The following KIF13B variants were observed in gnomAD, a reference collection of about 807,000 sequenced individuals.
KIF13B encodes the protein kinesin-like protein KIF13B.
KIF13B carries 127 observed loss-of-function variants against 222.0 expected under a neutral mutation model. That is an observed-to-expected ratio of 0.57 (90% CI 0.50 to 0.66). The LOEUF (loss-of-function observed/expected upper bound fraction) is 0.66. KIF13B is among the 30% of genes least tolerant of loss of function. The pLI is 0.00. For missense variants in KIF13B, 2,173 were observed against 2,379.0 expected, an observed-to-expected ratio of 0.91 and a Z score of 1.80; for synonymous variants, 976 against 919.0, an observed-to-expected ratio of 1.06 and a Z score of -1.12.
At chr8:29,262,948 GC>G in intron 1 of KIF13B, 31 bp downstream of exon 1, 1 of 1,528,288 alleles carries the variant, frequency 6.5e-7, no homozygotes, top group Admixed American at 2.0e-5. Flanking sequence ...TGCCGCCTCC[GC>G]CCCGGCGGCC....
At chr8:29,101,285 T>C (rs1448864343) in intron 35 of KIF13B, among the ~76,000 whole-genome samples, 1 of 152,192 alleles carries the variant, frequency 6.6e-6, no homozygotes, top group Non-Finnish European at 1.5e-5. Context: ...ACCTGCTTTG[T>C]GTACAGTGGC....
At chr8:29,175,190 A>C (rs1219300056) in intron 10 of KIF13B, among the ~76,000 whole-genome samples, 1 of 152,180 alleles carries the variant, frequency 6.6e-6, no homozygotes, top group Non-Finnish European at 1.5e-5. Context: ...TTAAATTGTC[A>C]CTGCAACTTA....
chr8:29,109,857 A>C, intron 33 of KIF13B, 61 bp downstream of exon 33: 1 of 1,540,136 alleles, frequency 6.5e-7, no homozygotes, highest in Non-Finnish European at 8.9e-7. Context: ...TACAGAGTCA[A>C]ACACAGACTC....
Position 29,107,782 on chromosome 8 carries a change from G to C in KIF13B, c.4215+357C>G, listed in dbSNP as rs544993456. Among the ~76,000 whole-genome samples, 308 of 152,036 alleles carry C rather than the reference G, an allele frequency of 2.0e-3. 4 individuals carry two copies. The highest frequency in any genetic ancestry group is 3.1e-3 in the Non-Finnish European group (212 of 67,970). On this transcript the variant is annotated intron_variant, in intron 35 of 39. Transcript: ENST00000524189. ...TCACCGTGTTAGCCAGGATGGTCTC[G>C]ATCTCCTGACCTCGTGATCCGCCCT...
chr8:29,202,930 T>C (rs7013733), intron 2 of KIF13B, among the ~76,000 whole-genome samples: 126,244 of 151,798 alleles, frequency 0.83, 53,149 homozygotes, highest in Non-Finnish European at 0.88. Flanking sequence ...AAGGCCCACC[T>C]ACAAGAGAAA....
chr8:29,183,752 G>A (rs1812814448), intron 6 of KIF13B, among the ~76,000 whole-genome samples: 1 of 152,206 alleles, frequency 6.6e-6, no homozygotes, highest in South Asian at 2.1e-4. Context: ...GAAGATTAGA[G>A]AGATTAAGAT....
chr8:29,196,243 T>G, intron 2 of KIF13B, 44 bp from the exon 3 acceptor site: 1 of 1,377,104 alleles, frequency 7.3e-7, no homozygotes, highest in Non-Finnish European at 9.5e-7. Flanking sequence ...GAAAGAAAAG[T>G]TAAAAAAAAA....
chr8:29,204,654 C>T (rs1813849368), intron 2 of KIF13B, among the ~76,000 whole-genome samples: 1 of 152,180 alleles, frequency 6.6e-6, no homozygotes, highest in Non-Finnish European at 1.5e-5. Flanking sequence ...CAGGGTAATA[C>T]ACACTCATTT....
In KIF13B at chr8:29,071,752, C is replaced by T; in HGVS notation, c.5086G>A (p.Glu1696Lys). 9 of 1,549,756 alleles carry T rather than the reference C, an allele frequency of 5.8e-6. No individual in the cohort carries two copies. The highest frequency in any genetic ancestry group is 7.8e-6 in the Non-Finnish European group (9 of 1,146,640). ...ALASDSEEAD[E>K]VPEWLREGEF... The stretch of plus-strand genomic sequence containing the variant: ...CCCTCTCGGAGCCACTCCGGGACCT[C>T]GTCAGCTTCCTCGGAATCAGAGGCC... Residue 1696 changes from glutamate to lysine, a missense_variant, in exon 39 of 40, where the codon GAG becomes AAG. Physicochemically the swap from Glu to Lys is moderately conservative, Grantham distance 56. Around this residue, in one of 2 missense-constraint regions of KIF13B, gnomAD observed 693 missense variants for 656.2 expected, o/e 1.06. Transcript: ENST00000524189. The surrounding 1 kb of genome is among the most constrained non-coding windows in gnomAD (Gnocchi z 4.9).
intron 38 of KIF13B, 116 bp from the exon 39 acceptor site, chr8:29,072,432 C>T: frequency 1.7e-6 from 1 of 588,608 alleles, no homozygotes; most frequent in Non-Finnish European, 2.6e-6. Flanking sequence ...CAGCCTGTAA[C>T]CCCAGTGCTT....
rs117909274 is a variant in KIF13B at position 29,128,627 on chromosome 8, T to C, written c.3076-1359A>G. On this transcript the variant is annotated intron_variant, in intron 24 of 39. Coordinates refer to ENST00000524189, the MANE Select transcript of KIF13B (RefSeq NM_015254.4). ...ACTTTCCGAAGTGATCTATTGTGAA[T>C]CTGTGCCTAAGTGTGAAGGGTGAAG... is the stretch of plus-strand genomic sequence containing the variant. Among the ~76,000 whole-genome samples the C allele has an allele frequency of 2.6e-5, 4 of 152,314 alleles. No individual in the cohort carries two copies. The East Asian group carries it at 7.7e-4, about 29-fold the overall frequency.
chr8:29,204,003 T>C (rs1026928037), intron 2 of KIF13B, among the ~76,000 whole-genome samples: 5 of 151,054 alleles, frequency 3.3e-5, no homozygotes, highest in Non-Finnish European at 7.4e-5. Flanking sequence ...AAAAGGAAGG[T>C]TGTTTGAAAA....
At chr8:29,118,838 T>C in intron 30 of KIF13B, 30 bp downstream of exon 30, 2 of 1,611,860 alleles carry the variant, frequency 1.2e-6, no homozygotes, top group Non-Finnish European at 1.7e-6. Flanking sequence ...CCACTTTTCA[T>C]CTGACCATCC....
chr8:29,182,067 G>T, intron 6 of KIF13B, 61 bp from the exon 7 acceptor site: 1 of 1,237,004 alleles, frequency 8.1e-7, no homozygotes, highest in Non-Finnish European at 1.2e-6. Flanking sequence ...AAAGGACTCA[G>T]CTCTGCTCCA....
At position 29,108,305 on chromosome 8, in the gene KIF13B, C is replaced by G. The variant is rs1157393686; in HGVS notation, c.4162-113G>C. 7 of 916,086 alleles carry G rather than the reference C, an allele frequency of 7.6e-6. No individual in the cohort carries two copies. In the East Asian group the frequency reaches 1.3e-4, roughly 17 times the overall value. The allele number at this position is 916,086 out of a possible 1,614,324, so 56.7% of individuals were successfully genotyped here. A position where few individuals can be genotyped will look rare whatever the true frequency, so the allele number is the denominator to read the frequency against. ...ACCGAACGTCAAAGTTGGGTGGCAG[C>G]AGAGAGGTTGTCATGACGAAGGCTG... On this transcript the variant is annotated intron_variant, in intron 34 of 39. Coordinates refer to ENST00000524189, the MANE Select transcript of KIF13B (RefSeq NM_015254.4).
At chr8:29,097,402 T>C (rs1317413652) in intron 36 of KIF13B, among the ~76,000 whole-genome samples, 1 of 152,198 alleles carries the variant, frequency 6.6e-6, no homozygotes, top group African/African-American at 2.4e-5. Context: ...TATTTGGATA[T>C]CTAATGCCCT....
At chr8:29,200,932 A>G (rs1300310639) in intron 2 of KIF13B, among the ~76,000 whole-genome samples, 1 of 152,228 alleles carries the variant, frequency 6.6e-6, no homozygotes, top group Non-Finnish European at 1.5e-5. Context: ...TATGAGGTGC[A>G]TGTGCCATTA....
chr8:29,147,629 T>TTTTAAAAAA (rs1563740609), intron 16 of KIF13B, 27 bp from the exon 17 acceptor site: 8 of 1,493,700 alleles, frequency 5.4e-6, no homozygotes, highest in Non-Finnish European at 7.4e-6. Context: ...AAAAGATACA[T>TTTTAAAAAA]GATCGAGAGT....
chr8:29,148,793 T>C, intron 15 of KIF13B, 26 bp from the exon 16 acceptor site: 2 of 1,558,962 alleles, frequency 1.3e-6, no homozygotes, highest in Non-Finnish European at 1.7e-6. Flanking sequence ...AGTATTATTT[T>C]CTGAAGTTAA....
Sources: gnomAD v4.1 joint callset for allele counts (sites outside exome capture counted in the v4.1 genomes callset) on GRCh38, gnomAD v4.1.1 for gene constraint, gnomAD v4.1.1 regional missense constraint, Gnocchi (gnomAD v3.1) non-coding constraint, MANE v1.5 for transcripts, NCBI Gene and HGNC (gene_info 2026-07-23, HGNC 2026-07-21) for gene names.